IGSF11: variants seen among roughly 807,000 people sequenced by gnomAD.
IGSF11 encodes the protein immunoglobulin superfamily member 11.
A neutral mutation model predicts 41.0 loss-of-function variants in IGSF11; 22 were observed. The ratio of observed to expected loss-of-function variants is 0.54; its 90% CI spans 0.38 to 0.77. The LOEUF is 0.77. Among genes scored for constraint, IGSF11 ranks in the 30% least tolerant of loss-of-function variants. The probability of loss-of-function intolerance (pLI) is 0.00; values close to 1 mark genes in which losing one functional copy is unlikely to be tolerated. For synonymous variants in IGSF11, 219 were observed against 201.3 expected, an observed-to-expected ratio of 1.09 and a Z score of -0.74; for missense variants, 444 against 530.8, an observed-to-expected ratio of 0.84 and a Z score of 1.61.
At chr3:119,106,428 G>A (rs919382271), upstream of IGSF11, among the ~76,000 whole-genome samples, 6 of 151,908 alleles carry the variant, frequency 3.9e-5, no homozygotes, top group East Asian at 1.9e-4. Context: ...AATTGTTTTC[G>A]TTTCTAGCTC....
intron 3 of IGSF11, among the ~76,000 whole-genome samples, chr3:118,927,379 C>T (rs534307869): frequency 1.3e-5 from 2 of 152,162 alleles, no homozygotes; most frequent in South Asian, 4.1e-4. Flanking sequence ...AGTCACCTAA[C>T]TTACAGGTCT....
chr3:119,021,414 T>C (rs905759812), intron 1 of IGSF11, among the ~76,000 whole-genome samples: 6 of 152,130 alleles, frequency 3.9e-5, no homozygotes, highest in Admixed American at 1.3e-4. Context: ...AATGCTTATA[T>C]AGCATTCATA....
intron 1 of IGSF11, among the ~76,000 whole-genome samples, chr3:119,005,399 G>A (rs1339642069): frequency 6.6e-6 from 1 of 150,658 alleles, no homozygotes; most frequent in African/African-American, 2.5e-5. Context: ...CACACTGATG[G>A]GTCTTGACTC....
At chr3:119,064,947 C>A (rs1942175975) in intron 1 of IGSF11, among the ~76,000 whole-genome samples, 1 of 152,116 alleles carries the variant, frequency 6.6e-6, no homozygotes, top group Non-Finnish European at 1.5e-5. Flanking sequence ...CATGTACAAT[C>A]ATGTCATGTA....
At chr3:119,077,407 T>G (rs533810327) in intron 1 of IGSF11, among the ~76,000 whole-genome samples, 11 of 151,948 alleles carry the variant, frequency 7.2e-5, no homozygotes, top group African/African-American at 2.2e-4. Context: ...CCCTAGAACT[T>G]AAAATGAAAG....
intron 1 of IGSF11, among the ~76,000 whole-genome samples, chr3:119,045,389 C>A (rs752383226): frequency 5.3e-5 from 8 of 152,246 alleles, no homozygotes; most frequent in Non-Finnish European, 1.2e-4. Context: ...TGACGAACGG[C>A]ACCTGGAAAA....
At chr3:119,096,786 TTC>T (rs772310906) in intron 1 of IGSF11, among the ~76,000 whole-genome samples, 2 of 152,184 alleles carry the variant, frequency 1.3e-5, no homozygotes, top group Non-Finnish European at 2.9e-5. Flanking sequence ...AATAGTAACT[TTC>T]TCTCTCTTGC....
At chr3:119,136,460 G>A (rs1299682232) in intron 1 of IGSF11, among the ~76,000 whole-genome samples, 1 of 152,038 alleles carries the variant, frequency 6.6e-6, no homozygotes, top group Non-Finnish European at 1.5e-5. Context: ...CACATAGACT[G>A]AAAATTAAGG....
intron 1 of IGSF11, among the ~76,000 whole-genome samples, chr3:119,002,576 G>C (rs928118414): frequency 9.4e-5 from 13 of 137,958 alleles, no homozygotes; most frequent in African/African-American, 3.9e-4. Context: ...GTAATGCCTA[G>C]GTTTTCTTCT....
intron 1 of IGSF11, among the ~76,000 whole-genome samples, chr3:118,956,243 T>C (rs542218472): frequency 6.6e-6 from 1 of 152,332 alleles, no homozygotes; most frequent in African/African-American, 2.4e-5. Flanking sequence ...ATCAAAACTT[T>C]CTCCATATCA....
At chr3:119,088,440 G>C (rs1259192601) in intron 1 of IGSF11, among the ~76,000 whole-genome samples, 1 of 151,996 alleles carries the variant, frequency 6.6e-6, no homozygotes. Flanking sequence ...TAAGAGGAAA[G>C]TTTTATAGCC....
chr3:118,916,485 C>A (rs1322789040), intron 4 of IGSF11, among the ~76,000 whole-genome samples: 3 of 151,656 alleles, frequency 2.0e-5, no homozygotes, highest in Admixed American at 1.3e-4. Context: ...GACTTTAAAC[C>A]AACAAAGATC....
intron 1 of IGSF11, among the ~76,000 whole-genome samples, chr3:119,124,425 C>T (rs1007819037): frequency 1.3e-5 from 2 of 151,226 alleles, no homozygotes; most frequent in Non-Finnish European, 2.9e-5. Context: ...TGCCACCATG[C>T]CTGGCTCATT....
At chr3:119,142,772 C>A (rs1317673107) in intron 1 of IGSF11, among the ~76,000 whole-genome samples, 2 of 151,988 alleles carry the variant, frequency 1.3e-5, no homozygotes, top group East Asian at 3.9e-4. Flanking sequence ...AAAAGAATAA[C>A]ATAAAAGATC....
intron 1 of IGSF11, among the ~76,000 whole-genome samples, chr3:119,121,074 C>T (rs2077327882): frequency 6.6e-6 from 1 of 151,638 alleles, no homozygotes. Flanking sequence ...TAATGACAAA[C>T]CTTAGGGGAT....
At chr3:119,137,788 A>G (rs992521292) in intron 1 of IGSF11, among the ~76,000 whole-genome samples, 9 of 152,198 alleles carry the variant, frequency 5.9e-5, no homozygotes, top group Non-Finnish European at 1.2e-4. Context: ...AAAATGAGAG[A>G]AAATATTTTC....
rs547017148 is a variant in IGSF11, at chr3:119,091,126, G to C, written c.49+14018C>G. On this transcript the variant is annotated intron_variant, in intron 1 of 6. Coordinates refer to the IGSF11 transcript ENST00000354673. Reference sequence around the variant, plus strand: ...AAATGCTCAGCATCACTAGTCATCAGAGAAATGACAATCAAAACCACAATG... The same window carrying C: ...AAATGCTCAGCATCACTAGTCATCACAGAAATGACAATCAAAACCACAATG... Among the ~76,000 whole-genome samples the C allele has an allele frequency of 2.0e-5, 3 of 152,310 alleles. No homozygotes were observed. In the South Asian group the frequency reaches 6.2e-4, roughly 32 times the overall value.
At chr3:119,114,534 T>C (rs777988462) in intron 1 of IGSF11, among the ~76,000 whole-genome samples, 1 of 152,224 alleles carries the variant, frequency 6.6e-6, no homozygotes, top group Non-Finnish European at 1.5e-5. Flanking sequence ...AAAAGTGATC[T>C]TTGCTACAGT....
chr3:119,092,081 G>T (rs531524562), intron 1 of IGSF11, among the ~76,000 whole-genome samples: 1 of 151,216 alleles, frequency 6.6e-6, no homozygotes, highest in Non-Finnish European at 1.5e-5. Context: ...GTGCAATCTC[G>T]GCTCACTGAA....
Sources: gnomAD v4.1 joint callset for allele counts (sites outside exome capture counted in the v4.1 genomes callset) on GRCh38, gnomAD v4.1.1 for gene constraint, MANE v1.5 for transcripts, NCBI Gene and HGNC (gene_info 2026-07-23, HGNC 2026-07-21) for gene names.